GRIN3A: variants seen among roughly 807,000 people sequenced by gnomAD.
The protein encoded by GRIN3A is glutamate ionotropic receptor NMDA type subunit 3A, also known as glutamate receptor ionotropic, NMDA 3A.
Under a neutral mutation model 92.4 loss-of-function variants are expected in GRIN3A, and 47 were observed. That is an observed-to-expected ratio of 0.51 (90% confidence interval 0.40 to 0.65). The LOEUF is 0.65. Ranked by LOEUF, GRIN3A falls within the 30% of genes least tolerant of loss-of-function variation. GRIN3A has a pLI of 0.00. For synonymous variants in GRIN3A, 527 were observed against 540.6 expected (o/e 0.97, Z 0.35); for missense variants, 1,324 against 1,393.1 (o/e 0.95, Z 0.79).
chr9:101,721,255 G>A (rs1316634790), intron 1 of GRIN3A, among the ~76,000 whole-genome samples: 1 of 152,138 alleles, frequency 6.6e-6, no homozygotes, highest in Non-Finnish European at 1.5e-5. Context: ...AGGGGTTTCC[G>A]CTTTTGCTTC....
intron 3 of GRIN3A, among the ~76,000 whole-genome samples, chr9:101,656,432 T>G (rs35501099): frequency 0.12 from 17,801 of 151,708 alleles, 1,269 homozygotes; most frequent in East Asian, 0.17. Context: ...TAAGAGGGAA[T>G]AGAACCAATT....
Position 101,686,857 on chromosome 9 carries a change from A to G in GRIN3A, c.1043T>C (p.Met348Thr). 1 of 1,614,246 alleles carries G rather than the reference A, an allele frequency of 6.2e-7. No individual in the cohort carries two copies. ...CAGCACCCAACGAAGTTCAGGGGGC[A>G]TGACCCCAAACTGGGTTGTAATTTC... ...IFEITTQFGV[M>T]PPELRWVLGD... The change falls in exon 2 of 9, where the codon ATG (methionine) becomes ACG (threonine). Residue 348 changes from methionine to threonine, a missense_variant. By Grantham distance (81) the Met-to-Thr change is moderately conservative. Coordinates refer to ENST00000361820, the MANE Select transcript of GRIN3A (RefSeq NM_133445.3).
chr9:101,628,869 A>G (rs1828674681), intron 3 of GRIN3A, among the ~76,000 whole-genome samples: 1 of 150,052 alleles, frequency 6.7e-6, no homozygotes, highest in Non-Finnish European at 1.5e-5. Context: ...AGCCACCTTT[A>G]GGCTATATTA....
chr9:101,616,147 G>A (rs1275813543), intron 5 of GRIN3A, among the ~76,000 whole-genome samples: 1 of 152,176 alleles, frequency 6.6e-6, no homozygotes, highest in Non-Finnish European at 1.5e-5. Context: ...ATGAGTGAGT[G>A]AATGAATAAA....
At chr9:101,583,344 T>C (rs1195990461) in intron 6 of GRIN3A, among the ~76,000 whole-genome samples, 1 of 152,226 alleles carries the variant, frequency 6.6e-6, no homozygotes, top group Non-Finnish European at 1.5e-5. Flanking sequence ...CATCTGCCTG[T>C]GAACACCAGA....
intron 1 of GRIN3A, among the ~76,000 whole-genome samples, chr9:101,706,638 C>T (rs1449821178): frequency 6.6e-6 from 1 of 152,168 alleles, no homozygotes; most frequent in African/African-American, 2.4e-5. Context: ...CCTTTTAAAG[C>T]TGGTCATTAG....
At chr9:101,712,642 T>C (rs1392340449) in intron 1 of GRIN3A, among the ~76,000 whole-genome samples, 2 of 152,154 alleles carry the variant, frequency 1.3e-5, no homozygotes, top group Non-Finnish European at 2.9e-5. Flanking sequence ...CAGTAAAATA[T>C]CAAATAAGAC....
chr9:101,698,178 TA>T (rs1158496497), intron 1 of GRIN3A, among the ~76,000 whole-genome samples: 1 of 152,220 alleles, frequency 6.6e-6, no homozygotes, highest in Non-Finnish European at 1.5e-5. Flanking sequence ...TGGGTTTACA[TA>T]AGATTTACTG....
intron 1 of GRIN3A, among the ~76,000 whole-genome samples, chr9:101,721,546 G>T (rs1161411985): frequency 6.6e-6 from 1 of 152,242 alleles, no homozygotes; most frequent in Admixed American, 6.5e-5. Context: ...GAAGAAGATA[G>T]AAAAATGTGG....
At chr9:101,696,243 T>G (rs1663908472) in intron 1 of GRIN3A, among the ~76,000 whole-genome samples, 1 of 152,198 alleles carries the variant, frequency 6.6e-6, no homozygotes. Context: ...CCACATGATA[T>G]TATGCATGTG....
At position 101,630,438 on chromosome 9, in the gene GRIN3A, T is replaced by A. The variant is rs1828696025; in HGVS notation, c.2353-2037A>T. Among the ~76,000 whole-genome samples the A allele has an allele frequency of 2.6e-5, 4 of 152,326 alleles. No individual in the cohort carries two copies. The South Asian group carries it at 6.2e-4, about 24-fold the overall frequency. ...TTTGACCTTTCCGTGCATTATCTCCTTTGATCCTACCAAGAAATGTGAGGT... is the reference window on the plus strand; with the variant it reads ...TTTGACCTTTCCGTGCATTATCTCCATTGATCCTACCAAGAAATGTGAGGT... On this transcript the variant is annotated intron_variant, in intron 3 of 8. Transcript: ENST00000361820.
chr9:101,662,786 G>T (rs724556), intron 3 of GRIN3A, among the ~76,000 whole-genome samples: 82,452 of 151,404 alleles, frequency 0.54, 22,478 homozygotes, highest in African/African-American at 0.58. Flanking sequence ...CTTTTATGTG[G>T]TGGTACATTA....
At chr9:101,730,929 C>G (rs1000367797) in intron 1 of GRIN3A, among the ~76,000 whole-genome samples, 7 of 152,020 alleles carry the variant, frequency 4.6e-5, no homozygotes, top group East Asian at 1.9e-4. Flanking sequence ...TTTTCACCCT[C>G]TATAATCCCT....
chr9:101,671,223 AAGAC>A lies in GRIN3A; in HGVS notation c.1305-120_1305-117del, dbSNP rs1459416767. The A allele has an allele frequency of 6.5e-6, 5 of 764,568 alleles. No homozygotes were observed. In the African/African-American group the frequency reaches 8.6e-5, roughly 13 times the overall value. 47.4% of individuals were successfully genotyped at this position (764,568 alleles called of 1,614,324 possible). A position where few individuals can be genotyped will look rare whatever the true frequency, so the allele number is the denominator to read the frequency against. On this transcript the variant is annotated intron_variant, in intron 2 of 8. Coordinates refer to ENST00000361820, the MANE Select transcript of GRIN3A (RefSeq NM_133445.3). ...AAATAAATTCGAATTTTTATTTAAA[AAGAC>A]AGTGCCTATAATTTCTTCAAATGTT...
At chr9:101,709,004 A>G (rs1291096471) in intron 1 of GRIN3A, among the ~76,000 whole-genome samples, 6 of 152,210 alleles carry the variant, frequency 3.9e-5, no homozygotes, top group African/African-American at 9.7e-5. Flanking sequence ...CACACAGGCA[A>G]TTTCAAAATA....
intron 1 of GRIN3A, among the ~76,000 whole-genome samples, chr9:101,713,218 G>C (rs1282794974): frequency 6.6e-6 from 1 of 152,108 alleles, no homozygotes; most frequent in Non-Finnish European, 1.5e-5. Context: ...TTTAATGTAG[G>C]CATCTCCAAG....
chr9:101,581,643 G>C (rs1311561094), intron 6 of GRIN3A, among the ~76,000 whole-genome samples: 1 of 152,114 alleles, frequency 6.6e-6, no homozygotes, highest in Non-Finnish European at 1.5e-5. Context: ...CTTTGATCTT[G>C]AACTTCCAGC....
In GRIN3A at chr9:101,630,054, G is replaced by A. The variant is rs189220816; in HGVS notation, c.2353-1653C>T. 4.6e-4 allele frequency among the ~76,000 whole-genome samples: 70 copies of A among 152,310 alleles called. No homozygotes were observed. In the East Asian group the frequency reaches 0.012, roughly 26 times the overall value. On this transcript the variant is annotated intron_variant, in intron 3 of 8. Coordinates refer to ENST00000361820, the MANE Select transcript of GRIN3A (RefSeq NM_133445.3). ...GTTCTCATAGTAGCAAATTGCAGTCGTATGGCTTGCGCAAGGCACATTTAT... is the reference window on the plus strand; with the variant it reads ...GTTCTCATAGTAGCAAATTGCAGTCATATGGCTTGCGCAAGGCACATTTAT...
intron 7 of GRIN3A, 27 bp from the exon 8 acceptor site, chr9:101,577,871 A>C: frequency 6.7e-7 from 1 of 1,499,378 alleles, no homozygotes; most frequent in South Asian, 1.1e-5. Context: ...ATTCACAGGT[A>C]GAAATTATGA....
Sources: gnomAD v4.1 joint callset for allele counts (sites outside exome capture counted in the v4.1 genomes callset) on GRCh38, gnomAD v4.1.1 for gene constraint, MANE v1.5 for transcripts, NCBI Gene and HGNC (gene_info 2026-07-23, HGNC 2026-07-21) for gene names.